The following CSMD3 variants were observed in gnomAD, a reference collection of about 807,000 sequenced individuals.
CSMD3 encodes the protein CUB and sushi domain-containing protein 3.
CSMD3 carries 177 observed loss-of-function variants against 435.2 expected under a neutral mutation model. The ratio of observed to expected loss-of-function variants is 0.41; its 90% CI spans 0.36 to 0.46. The LOEUF is 0.46. Ranked by LOEUF, CSMD3 falls within the 20% of genes least tolerant of loss-of-function variation. The pLI, the probability that CSMD3 is intolerant of heterozygous loss-of-function variation, is 0.34. For missense variants in CSMD3, 4,265 were observed against 4,504.6 expected (o/e 0.95, Z 1.52); for synonymous variants, 1,656 against 1,520.5 (o/e 1.09, Z -2.07).
chr8:112,380,320 C>T (rs1429226869), intron 38 of CSMD3, 32 bp downstream of exon 38: 6 of 1,161,026 alleles, frequency 5.2e-6, no homozygotes, highest in Non-Finnish European at 6.5e-6. Flanking sequence ...TTGTTCTTAA[C>T]CTTTTTGAAT....
intron 3 of CSMD3, among the ~76,000 whole-genome samples, chr8:113,216,574 T>C (rs1333189756): frequency 1.3e-5 from 2 of 151,954 alleles, no homozygotes; most frequent in Non-Finnish European, 2.9e-5. Flanking sequence ...ACCAAACATA[T>C]TCTCCCACCA....
chr8:112,854,928 G>A (rs1282618858), intron 11 of CSMD3, among the ~76,000 whole-genome samples: 3 of 152,004 alleles, frequency 2.0e-5, no homozygotes, highest in East Asian at 3.9e-4. Flanking sequence ...TGATGGAAAT[G>A]GTCAATATGG....
intron 7 of CSMD3, among the ~76,000 whole-genome samples, chr8:112,961,377 T>C (rs1289727272): frequency 6.6e-6 from 1 of 151,860 alleles, no homozygotes; most frequent in African/African-American, 2.4e-5. Context: ...AGTAGAAATG[T>C]ATAAAACCAT....
At chr8:112,269,992 G>A (rs1278460493) in intron 59 of CSMD3, among the ~76,000 whole-genome samples, 1 of 152,110 alleles carries the variant, frequency 6.6e-6, no homozygotes, top group Non-Finnish European at 1.5e-5. Context: ...CTGGTAGTGG[G>A]CTTAATGAGG....
intron 5 of CSMD3, among the ~76,000 whole-genome samples, chr8:113,062,795 T>G (rs1226814277): frequency 6.6e-6 from 1 of 151,888 alleles, no homozygotes; most frequent in Non-Finnish European, 1.5e-5. Context: ...TGAGCCATTA[T>G]TTAAGCTATT....
chr8:112,386,145 C>T (rs1036523528), intron 36 of CSMD3, among the ~76,000 whole-genome samples: 10 of 152,146 alleles, frequency 6.6e-5, no homozygotes, highest in Non-Finnish European at 1.5e-4. Flanking sequence ...ATTCCTGAGA[C>T]CCTGAAGTGG....
At chr8:112,483,729 A>G (rs1488677511) in intron 31 of CSMD3, among the ~76,000 whole-genome samples, 2 of 152,154 alleles carry the variant, frequency 1.3e-5, no homozygotes, top group African/African-American at 4.8e-5. Flanking sequence ...AACCTCATCA[A>G]TCTCAGGAGG....
At chr8:112,529,683 G>T (rs1825334222) in intron 27 of CSMD3, among the ~76,000 whole-genome samples, 1 of 151,974 alleles carries the variant, frequency 6.6e-6, no homozygotes, top group Admixed American at 6.6e-5. Context: ...CAGGCTGGTT[G>T]ATGGTGGTCT....
chr8:113,111,661 G>A lies in CSMD3; in HGVS notation c.710-12698C>T, dbSNP rs528463855. Reference sequence around the variant, plus strand: ...GCCCATCACTACAAGAATTCCTAGCGTTGCTCCTTTTATTTATGTATTTAT... The same window carrying A: ...GCCCATCACTACAAGAATTCCTAGCATTGCTCCTTTTATTTATGTATTTAT... On this transcript the variant is annotated intron_variant, in intron 4 of 70. Coordinates refer to ENST00000297405, the MANE Select transcript of CSMD3 (RefSeq NM_198123.2). Among the ~76,000 whole-genome samples the A allele has an allele frequency of 4.6e-5, 7 of 152,040 alleles. No individual in the cohort carries two copies. In the East Asian group the frequency reaches 5.8e-4, roughly 13 times the overall value.
chr8:112,345,636 G>T (rs902142869), intron 41 of CSMD3, among the ~76,000 whole-genome samples: 2 of 151,998 alleles, frequency 1.3e-5, no homozygotes, highest in African/African-American at 4.8e-5. Context: ...TTACACAAAA[G>T]AAGTAAATTC....
chr8:112,875,072 C>T (rs191944197), intron 10 of CSMD3, among the ~76,000 whole-genome samples: 1 of 152,142 alleles, frequency 6.6e-6, no homozygotes, highest in Admixed American at 6.6e-5. Flanking sequence ...TTCCTTTCCA[C>T]ATTTAGTCCT....
chr8:113,244,282 A>G (rs2093252571), intron 3 of CSMD3, among the ~76,000 whole-genome samples: 1 of 152,102 alleles, frequency 6.6e-6, no homozygotes, highest in African/African-American at 2.4e-5. Flanking sequence ...TGTAATTTTA[A>G]TCTTACATTT....
At chr8:112,523,710 G>T (rs1374906054) in intron 27 of CSMD3, among the ~76,000 whole-genome samples, 1 of 152,030 alleles carries the variant, frequency 6.6e-6, no homozygotes, top group Non-Finnish European at 1.5e-5. Flanking sequence ...TCACCCTGGA[G>T]AATTTTGCCC....
At chr8:113,413,925 T>C (rs2094570450) in intron 1 of CSMD3, among the ~76,000 whole-genome samples, 1 of 152,144 alleles carries the variant, frequency 6.6e-6, no homozygotes, top group South Asian at 2.1e-4. Context: ...GTTTTTCAAG[T>C]GAAAGGAGAA....
At chr8:113,131,485 C>A (rs531096912) in intron 4 of CSMD3, among the ~76,000 whole-genome samples, 1 of 152,024 alleles carries the variant, frequency 6.6e-6, no homozygotes, top group African/African-American at 2.4e-5. Flanking sequence ...GCAGCTTCCA[C>A]GTGGTACTGG....
At chr8:112,529,232 A>T (rs1045322005) in intron 27 of CSMD3, among the ~76,000 whole-genome samples, 1 of 152,162 alleles carries the variant, frequency 6.6e-6, no homozygotes, top group Non-Finnish European at 1.5e-5. Flanking sequence ...CAAATAAGGG[A>T]TAATGGAAAT....
chr8:112,304,959 T>G (rs1321806374), intron 51 of CSMD3, 44 bp from the exon 52 acceptor site: 1 of 1,406,802 alleles, frequency 7.1e-7, no homozygotes, highest in Non-Finnish European at 1.0e-6. Flanking sequence ...AATCACTATA[T>G]CTCAACGTCT....
chr8:112,960,957 G>A (rs1379688526), intron 7 of CSMD3, among the ~76,000 whole-genome samples: 1 of 151,576 alleles, frequency 6.6e-6, no homozygotes, highest in Non-Finnish European at 1.5e-5. Flanking sequence ...ATGCCACAAT[G>A]CTCATTTGTA....
chr8:113,400,922 C>A (rs1051656927), intron 1 of CSMD3, among the ~76,000 whole-genome samples: 6 of 151,672 alleles, frequency 4.0e-5, no homozygotes, highest in Non-Finnish European at 7.4e-5. Context: ...CAAGTTTAAT[C>A]CTACATGTTC....
Sources: allele counts gnomAD v4.1 joint callset (sites outside exome capture counted in the v4.1 genomes callset), GRCh38; gene constraint gnomAD v4.1.1; transcripts MANE v1.5; gene names NCBI Gene and HGNC (gene_info 2026-07-23, HGNC 2026-07-21).